The following KDM4B variants were observed in gnomAD, a reference collection of about 807,000 sequenced individuals.
KDM4B encodes the protein lysine-specific demethylase 4B.
A neutral mutation model predicts 125.2 loss-of-function variants in KDM4B; 32 were observed. The ratio of observed to expected loss-of-function variants is 0.26; its 90% CI spans 0.19 to 0.34. The LOEUF is 0.34. Among genes scored for constraint, KDM4B ranks in the 10% least tolerant of loss-of-function variants. The pLI is 1.00. For synonymous variants in KDM4B, 721 were observed against 677.9 expected, an observed-to-expected ratio of 1.06 and a Z score of -0.99; for missense variants, 1,190 against 1,577.7, an observed-to-expected ratio of 0.75 and a Z score of 4.16.
chr19:5,002,160 G>C (rs1310479428), intron 1 of KDM4B, among the ~76,000 whole-genome samples: 1 of 152,094 alleles, frequency 6.6e-6, no homozygotes, highest in African/African-American at 2.4e-5. Context: ...ACCATGTCCA[G>C]CTAATTTTTA....
intron 2 of KDM4B, among the ~76,000 whole-genome samples, chr19:5,018,495 C>A (rs1192325107): frequency 2.0e-5 from 3 of 152,358 alleles, no homozygotes; most frequent in South Asian, 2.1e-4. Flanking sequence ...GAGCTCAGGG[C>A]AAACCATGTG....
rs374552663 is a variant in KDM4B, at chr19:5,035,896, CCT to C, written c.141+2866_141+2867del. ...GTGTGTGTGTGCGCGCGCGCGCGCG[CCT>C]GCGCGCACAGGAGACTGAGGTGGGG... On this transcript the variant is annotated intron_variant, in intron 3 of 22. Transcript: ENST00000159111. The surrounding 1 kb of genome is among the most constrained non-coding windows in gnomAD (Gnocchi z 5.3). Among the ~76,000 whole-genome samples, 20,729 of 126,022 alleles carry C rather than the reference CCT, an allele frequency of 0.16. 2,114 individuals carry two copies. Among genetic ancestry groups the C allele is most frequent in the East Asian group, 0.6 (2,642 of 4,436 alleles). The allele number at this position is 126,022 out of a possible 152,430, so 82.7% of individuals were successfully genotyped here. A position where few individuals can be genotyped will look rare whatever the true frequency, so the allele number is the denominator to read the frequency against.
chr19:5,019,360 GTGT>G (rs2036002664), intron 2 of KDM4B, among the ~76,000 whole-genome samples: 1 of 148,652 alleles, frequency 6.7e-6, no homozygotes, highest in African/African-American at 2.5e-5. Context: ...TGGTGTGCAG[GTGT>G]TGGTGTGGAC....
At chr19:5,098,772 G>A (rs550273741) in intron 9 of KDM4B, among the ~76,000 whole-genome samples, 1 of 152,232 alleles carries the variant, frequency 6.6e-6, no homozygotes, top group South Asian at 2.1e-4. Context: ...CATCATGGGA[G>A]GACTCAGTGA....
At chr19:5,117,139 A>G (rs1401683620) in intron 10 of KDM4B, among the ~76,000 whole-genome samples, 1 of 152,070 alleles carries the variant, frequency 6.6e-6, no homozygotes, top group East Asian at 1.9e-4. Context: ...GCCTGGCACT[A>G]CTGCAGGTAG....
rs780139122 is a variant in KDM4B at position 5,119,860 on chromosome 19, C to T, written c.1315+8C>T. The T allele has an allele frequency of 2.0e-5, 31 of 1,545,296 alleles. No homozygotes were observed. Among genetic ancestry groups the T allele is most frequent in the Middle Eastern group, 2.2e-4 (1 of 4,516 alleles). On this transcript the variant is annotated splice_region_variant and intron_variant, in intron 11 of 22. Coordinates refer to ENST00000159111, the MANE Select transcript of KDM4B (RefSeq NM_015015.3). ...AGGCCGAGGGCGCAGAAGGTCAGTC[C>T]CTGCCGGGCCAGGCCTGGCACCGCT...
rs143239564 is a variant in KDM4B, at chr19:5,144,368, G to A, written c.2857G>A (p.Asp953Asn). The A allele has an allele frequency of 1.9e-4, 296 of 1,569,574 alleles. 1 individual carries two copies. The highest frequency in any genetic ancestry group is 3.3e-4 in the Middle Eastern group (2 of 6,006). The change falls in exon 20 of 23, where the codon GAC (aspartate) becomes AAC (asparagine). Residue 953 changes from aspartate (D) to asparagine (N), a missense_variant. Asp to Asn is a conservative substitution (Grantham distance 23). Transcript: ENST00000159111. Reference protein sequence around the residue: ...ASQTCYEVNFDDGSYSDNLYP... With the variant: ...ASQTCYEVNFNDGSYSDNLYP... Reference sequence around the variant, plus strand: ...GCAGACCTGCTACGAAGTGAACTTCGACGATGGCTCCTACAGCGACAACCT... The same window carrying A: ...GCAGACCTGCTACGAAGTGAACTTCAACGATGGCTCCTACAGCGACAACCT...
At position 5,039,946 on chromosome 19, in the gene KDM4B, G is replaced by C. The variant is rs376663467; in HGVS notation, c.252G>C (p.Thr84=). 8 of 1,612,862 alleles carry C rather than the reference G, an allele frequency of 5.0e-6. No homozygotes were observed. The highest frequency in any genetic ancestry group is 1.7e-5 in the Admixed American group (1 of 59,992). The change falls in exon 4 of 23, where the codon ACG becomes ACC. Residue 84 remains threonine, a synonymous_variant. Transcript: ENST00000159111. ...QVVTGQSGLF[T]QYNIQKKAMT... ...TGACGGGCCAGTCGGGCCTCTTCACGCAGTACAATATCCAGAAGAAGGCCA... is the reference window on the plus strand; with the variant it reads ...TGACGGGCCAGTCGGGCCTCTTCACCCAGTACAATATCCAGAAGAAGGCCA...
intron 1 of KDM4B, among the ~76,000 whole-genome samples, chr19:4,970,985 G>T (rs1030011033): frequency 6.6e-6 from 1 of 152,130 alleles, no homozygotes; most frequent in East Asian, 1.9e-4. Flanking sequence ...GGAGGAAAAG[G>T]GGGTAACGGA....
At chr19:5,090,370 C>CTCTCTCCCCCCATA (rs1280566210) in intron 9 of KDM4B, among the ~76,000 whole-genome samples, 16 of 124,762 alleles carry the variant, frequency 1.3e-4, no homozygotes, top group East Asian at 9.6e-4. Flanking sequence ...CTCCTCATCT[C>CTCTCTCCCCCCATA]TCTCTCCCCC....
At chr19:5,058,161 T>C (rs1458236811) in intron 6 of KDM4B, among the ~76,000 whole-genome samples, 1 of 152,228 alleles carries the variant, frequency 6.6e-6, no homozygotes, top group Admixed American at 6.5e-5. Context: ...TTTCCTGCCA[T>C]GTGGGTGCTG....
chr19:5,122,791 T>G (rs1482605050), intron 11 of KDM4B, among the ~76,000 whole-genome samples: 2 of 152,222 alleles, frequency 1.3e-5, no homozygotes, highest in Non-Finnish European at 2.9e-5. Context: ...CCCAGCCTGC[T>G]CTGGGAAGCG....
chr19:5,027,429 C>T (rs1568237651), intron 2 of KDM4B, among the ~76,000 whole-genome samples: 1 of 152,176 alleles, frequency 6.6e-6, no homozygotes, highest in Non-Finnish European at 1.5e-5. Context: ...GTCTCCTTGT[C>T]CTCTCTCAGC....
chr19:4,992,540 C>G (rs914478454), intron 1 of KDM4B, among the ~76,000 whole-genome samples: 1 of 151,996 alleles, frequency 6.6e-6, no homozygotes, highest in Non-Finnish European at 1.5e-5. Flanking sequence ...CTTGACCTCC[C>G]GAGCTCAAGC....
In KDM4B at chr19:5,006,975, ACCT is replaced by A. The variant is rs1459437472; in HGVS notation, c.-108-9278_-108-9276del. Among the ~76,000 whole-genome samples the A allele has an allele frequency of 8.6e-5, 13 of 151,772 alleles. No homozygotes were observed. The East Asian group carries it at 2.3e-3, about 27-fold the overall frequency. ...GGGGACACCAGAGCGGGCCCCAGCCACCTCCTGGCAGAAGCATGGGGCTCACGA... is the reference window on the plus strand; with the variant it reads ...GGGGACACCAGAGCGGGCCCCAGCCACCTGGCAGAAGCATGGGGCTCACGA... On this transcript the variant is annotated intron_variant, in intron 1 of 22. Transcript: ENST00000159111.
At chr19:5,116,150 C>CA (rs1163929097) in intron 10 of KDM4B, among the ~76,000 whole-genome samples, 1 of 146,384 alleles carries the variant, frequency 6.8e-6, no homozygotes, top group Non-Finnish European at 1.5e-5. Flanking sequence ...CCTGTGATCC[C>CA]AGCACTATGG....
chr19:5,093,360 G>A (rs922909437), intron 9 of KDM4B, among the ~76,000 whole-genome samples: 28 of 152,318 alleles, frequency 1.8e-4, no homozygotes, highest in African/African-American at 6.3e-4. Context: ...TGGAAGGCCC[G>A]TGACCTTGCC....
rs183412123 is a variant in KDM4B at position 5,058,950 on chromosome 19, C to T, written c.626+11281C>T. The stretch of plus-strand genomic sequence containing the variant: ...TTCTGTTTGAAATGTCATCACTGGG[C>T]GTGAATTCCCATCTTCAGATAATCC... On this transcript the variant is annotated intron_variant, in intron 6 of 22. Transcript: ENST00000159111. Among the ~76,000 whole-genome samples the T allele has an allele frequency of 1.1e-4, 16 of 152,344 alleles. No homozygotes were observed. The East Asian group carries it at 2.1e-3, about 20-fold the overall frequency.
chr19:5,133,816 G>C, intron 13 of KDM4B, 67 bp from the exon 14 acceptor site: 1 of 1,548,032 alleles, frequency 6.5e-7, no homozygotes, highest in African/African-American at 1.4e-5. Flanking sequence ...GGGCAGTTGG[G>C]GTGATTCCTT....
Sources: allele counts gnomAD v4.1 joint callset (sites outside exome capture counted in the v4.1 genomes callset), GRCh38; gene constraint gnomAD v4.1.1; non-coding constraint Gnocchi (gnomAD v3.1); transcripts MANE v1.5; gene names NCBI Gene and HGNC (gene_info 2026-07-23, HGNC 2026-07-21).